TSHR: variants seen among roughly 807,000 people sequenced by gnomAD.
TSHR encodes the protein thyrotropin receptor.
TSHR carries 51 observed loss-of-function variants against 64.1 expected under a neutral mutation model. The ratio of observed to expected loss-of-function variants is 0.80; its 90% confidence interval spans 0.64 to 1.01. The LOEUF (loss-of-function observed/expected upper bound fraction) is 1.01. Among genes scored for constraint, TSHR ranks in the 50% least tolerant of loss-of-function variants. The pLI is 0.00. For synonymous variants in TSHR, 361 were observed against 361.9 expected, an observed-to-expected ratio of 1.00 and a Z score of 0.03; for missense variants, 877 against 942.8, an observed-to-expected ratio of 0.93 and a Z score of 0.91.
intron 1 of TSHR, chr14:81,012,393 A>G (rs1456746471): frequency 6.6e-6 from 1 of 151,792 alleles, no homozygotes; most frequent in African/African-American, 2.4e-5. Flanking sequence ...TAATGCCGCA[A>G]TAAACATACG....
At chr14:81,104,746 A>T in intron 7 of TSHR, 1 of 985,384 alleles carries the variant, frequency 1.0e-6, no homozygotes, top group Non-Finnish European at 1.2e-6. Context: ...GGTCTTCCCT[A>T]ACTGTGAACT....
At chr14:81,032,795 G>T in intron 1 of TSHR, 1 of 414,166 alleles carries the variant, frequency 2.4e-6, no homozygotes, top group South Asian at 2.1e-5. Context: ...AAAATTTTCA[G>T]AAGGAGTGGA....
At chr14:81,020,052 T>C (rs1883657386) in intron 1 of TSHR, among the ~76,000 whole-genome samples, 1 of 152,160 alleles carries the variant, frequency 6.6e-6, no homozygotes, top group Admixed American at 6.5e-5. Context: ...TCCACAATGG[T>C]TGAACTAATT....
intron 3 of TSHR, among the ~76,000 whole-genome samples, chr14:81,072,325 T>TA (rs35319422): frequency 6.6e-6 from 1 of 152,122 alleles, no homozygotes; most frequent in Non-Finnish European, 1.5e-5. Context: ...AGTAGCTTTT[T>TA]AAAAAAAGTA....
intron 1 of TSHR, chr14:81,049,658 G>T (rs1885335789): frequency 6.6e-6 from 1 of 152,160 alleles, no homozygotes; most frequent in African/African-American, 2.4e-5. Flanking sequence ...GGCTAGGTTT[G>T]GTTCTGTGTC....
At chr14:81,048,494 A>G (rs1885279588) in intron 1 of TSHR, among the ~76,000 whole-genome samples, 1 of 152,106 alleles carries the variant, frequency 6.6e-6, no homozygotes, top group Non-Finnish European at 1.5e-5. Context: ...TGATGAGTGC[A>G]GGGGTGTATG....
chr14:81,040,906 G>T (rs1275874540), intron 1 of TSHR, among the ~76,000 whole-genome samples: 1 of 151,978 alleles, frequency 6.6e-6, no homozygotes, highest in Non-Finnish European at 1.5e-5. Flanking sequence ...ATGATCATAT[G>T]AAAAAAGGCT....
chr14:80,963,874 A>G (rs768024841), intron 1 of TSHR, among the ~76,000 whole-genome samples: 17 of 152,328 alleles, frequency 1.1e-4, no homozygotes, highest in Non-Finnish European at 2.1e-4. Flanking sequence ...ACATTTGGGG[A>G]TAGAATGTCT....
At chr14:80,982,715 C>T (rs1888236845) in intron 1 of TSHR, 3 of 854,710 alleles carry the variant, frequency 3.5e-6, no homozygotes, top group Non-Finnish European at 5.2e-6. Context: ...AAGGCAAGCC[C>T]TCCTTCATAT....
At chr14:81,133,789 A>C (rs1218276849) in intron 8 of TSHR, among the ~76,000 whole-genome samples, 1 of 152,230 alleles carries the variant, frequency 6.6e-6, no homozygotes, top group Non-Finnish European at 1.5e-5. Flanking sequence ...TGGCGGGGAA[A>C]TGAGCCTGGA....
chr14:81,086,636 A>C (rs748859965), intron 3 of TSHR, among the ~76,000 whole-genome samples: 1 of 152,246 alleles, frequency 6.6e-6, no homozygotes, highest in Non-Finnish European at 1.5e-5. Context: ...TATTTTACAG[A>C]CAGGAAAACT....
chr14:81,017,341 G>A (rs573542820), intron 1 of TSHR, among the ~76,000 whole-genome samples: 5 of 152,176 alleles, frequency 3.3e-5, no homozygotes, highest in Admixed American at 3.3e-4. Flanking sequence ...CATGGTGGAA[G>A]ATCAGATTGG....
intron 8 of TSHR, among the ~76,000 whole-genome samples, chr14:81,127,721 T>C (rs1891074910): frequency 6.6e-6 from 1 of 152,142 alleles, no homozygotes; most frequent in African/African-American, 2.4e-5. Context: ...TTGGCTCTCA[T>C]TCCCTCTCTT....
chr14:81,006,415 C>A (rs914244703), intron 1 of TSHR, among the ~76,000 whole-genome samples: 2 of 152,134 alleles, frequency 1.3e-5, no homozygotes, highest in Admixed American at 1.3e-4. Context: ...GTCCTGATCT[C>A]CTCTTCTTAT....
chr14:81,049,319 C>T (rs1310290468), intron 1 of TSHR: 1 of 152,158 alleles, frequency 6.6e-6, no homozygotes, highest in Non-Finnish European at 1.5e-5. Context: ...TCCTGAAATG[C>T]TTCTAGATCA....
chr14:81,041,217 C>T (rs1021744229), intron 1 of TSHR, among the ~76,000 whole-genome samples: 2 of 152,068 alleles, frequency 1.3e-5, no homozygotes, highest in Non-Finnish European at 2.9e-5. Context: ...AGACATGGCA[C>T]ACATATGTTC....
chr14:81,050,013 C>G (rs1885351581), intron 1 of TSHR: 4 of 151,994 alleles, frequency 2.6e-5, no homozygotes, highest in Admixed American at 2.6e-4. Context: ...TAAAATGTTC[C>G]CAGTAATATT....
intron 1 of TSHR, among the ~76,000 whole-genome samples, chr14:80,989,937 G>A (rs1409118375): frequency 1.3e-5 from 2 of 152,186 alleles, no homozygotes; most frequent in Non-Finnish European, 2.9e-5. Flanking sequence ...GTTTTCCAGA[G>A]CTATGCTGCC....
At chr14:81,128,351 T>C (rs1443799139) in intron 8 of TSHR, among the ~76,000 whole-genome samples, 6 of 152,206 alleles carry the variant, frequency 3.9e-5, no homozygotes, top group Non-Finnish European at 7.3e-5. Context: ...CGAGGTCACC[T>C]GGCCATAAGG....
Sources: gnomAD v4.1 joint callset for allele counts (sites outside exome capture counted in the v4.1 genomes callset) on GRCh38, gnomAD v4.1.1 for gene constraint, MANE v1.5 for transcripts, NCBI Gene and HGNC (gene_info 2026-07-23, HGNC 2026-07-21) for gene names.